The following SLC25A13 variants were observed in gnomAD, a reference collection of about 807,000 sequenced individuals.
SLC25A13 encodes solute carrier family 25 member 13, also known as electrogenic aspartate/glutamate antiporter SLC25A13, mitochondrial.
SLC25A13 carries 70 observed loss-of-function variants against 85.5 expected under a neutral mutation model. That is an observed-to-expected ratio of 0.82 (90% CI 0.68 to 1.00). The LOEUF is 1.00. SLC25A13 is among the 50% of genes least tolerant of loss of function. The probability of loss-of-function intolerance (pLI) is 0.00; values close to 1 mark genes in which losing one functional copy is unlikely to be tolerated. For missense variants in SLC25A13, 765 were observed against 819.8 expected, an observed-to-expected ratio of 0.93 and a Z score of 0.82; for synonymous variants, 259 against 288.7, an observed-to-expected ratio of 0.90 and a Z score of 1.04.
chr7:96,184,029 T>C (rs1215384780), intron 11 of SLC25A13, among the ~76,000 whole-genome samples: 3 of 152,198 alleles, frequency 2.0e-5, no homozygotes, highest in South Asian at 2.1e-4. Flanking sequence ...AAGATGCTTA[T>C]AAAAATAATT....
intron 2 of SLC25A13, among the ~76,000 whole-genome samples, chr7:96,281,965 T>C (rs2116953695): frequency 6.6e-6 from 1 of 152,234 alleles, no homozygotes; most frequent in Admixed American, 6.5e-5. Context: ...TAAATGCAGC[T>C]CTGCTCTCCC....
At chr7:96,222,433 C>A (rs575169495) in intron 4 of SLC25A13, among the ~76,000 whole-genome samples, 4 of 152,078 alleles carry the variant, frequency 2.6e-5, no homozygotes, top group South Asian at 2.1e-4. Flanking sequence ...CCAAACAGTT[C>A]TTTCTGTATT....
At chr7:96,160,862 T>C (rs1219419835) in intron 13 of SLC25A13, among the ~76,000 whole-genome samples, 1 of 152,200 alleles carries the variant, frequency 6.6e-6, no homozygotes, top group Non-Finnish European at 1.5e-5. Flanking sequence ...TGGAACTCTA[T>C]TCAAGACCAA....
chr7:96,138,381 T>A (rs1562787522), intron 14 of SLC25A13, among the ~76,000 whole-genome samples: 1 of 151,934 alleles, frequency 6.6e-6, no homozygotes, highest in Non-Finnish European at 1.5e-5. Context: ...TGCAATTTGT[T>A]GCATTTTTTT....
At chr7:96,234,386 C>T (rs1243392422) in intron 4 of SLC25A13, among the ~76,000 whole-genome samples, 1 of 152,184 alleles carries the variant, frequency 6.6e-6, no homozygotes, top group Non-Finnish European at 1.5e-5. Context: ...CCGCAAACTA[C>T]TCCATGGGAA....
At chr7:96,219,645 C>A (rs1369372397) in intron 4 of SLC25A13, 1 of 532,840 alleles carries the variant, frequency 1.9e-6, no homozygotes, top group Non-Finnish European at 3.9e-6. Context: ...TTCCCAAGCC[C>A]CACACCCAAA....
At chr7:96,265,796 A>T (rs946427576) in intron 3 of SLC25A13, among the ~76,000 whole-genome samples, 2 of 152,202 alleles carry the variant, frequency 1.3e-5, no homozygotes, top group South Asian at 4.1e-4. Context: ...AAGTAACAGA[A>T]TTTACTGCTC....
chr7:96,315,359 A>T (rs1221384255), intron 1 of SLC25A13, among the ~76,000 whole-genome samples: 1 of 152,218 alleles, frequency 6.6e-6, no homozygotes, highest in Non-Finnish European at 1.5e-5. Flanking sequence ...GCCACACCCA[A>T]GTCCAATTCA....
intron 3 of SLC25A13, among the ~76,000 whole-genome samples, chr7:96,275,830 T>TA (rs1405212392): frequency 1.6e-4 from 25 of 152,104 alleles, no homozygotes; most frequent in Admixed American, 1.6e-3. Context: ...GGCACATGTA[T>TA]ACATACGTAA....
intron 14 of SLC25A13, among the ~76,000 whole-genome samples, chr7:96,139,826 C>A (rs569150964): frequency 6.6e-6 from 1 of 152,108 alleles, no homozygotes; most frequent in Admixed American, 6.5e-5. Flanking sequence ...CTATAATATA[C>A]CATATTTTCT....
At chr7:96,160,464 C>A (rs985145781) in intron 13 of SLC25A13, among the ~76,000 whole-genome samples, 1 of 152,218 alleles carries the variant, frequency 6.6e-6, no homozygotes, top group Non-Finnish European at 1.5e-5. Context: ...AAATTCATTT[C>A]TCAGAGTTCT....
At chr7:96,155,619 T>C (rs1488738516) in intron 13 of SLC25A13, among the ~76,000 whole-genome samples, 1 of 152,164 alleles carries the variant, frequency 6.6e-6, no homozygotes, top group East Asian at 1.9e-4. Flanking sequence ...GGAGCAGTCA[T>C]CTTGAGACAC....
intron 5 of SLC25A13, among the ~76,000 whole-genome samples, chr7:96,198,051 C>G (rs1268809142): frequency 1.3e-5 from 2 of 152,188 alleles, no homozygotes; most frequent in East Asian, 3.9e-4. Flanking sequence ...GGCTGAGGAA[C>G]ACATGTCAAG....
chr7:96,229,690 C>T (rs1796461301), intron 4 of SLC25A13, among the ~76,000 whole-genome samples: 1 of 151,844 alleles, frequency 6.6e-6, no homozygotes, highest in South Asian at 2.1e-4. Flanking sequence ...GAGGAATGAA[C>T]AACTCCAGAA....
chr7:96,293,692 C>A (rs1345744816), intron 2 of SLC25A13, among the ~76,000 whole-genome samples: 2 of 152,186 alleles, frequency 1.3e-5, no homozygotes, highest in Non-Finnish European at 2.9e-5. Flanking sequence ...CTCATCATCA[C>A]TGGCCATCAG....
intron 9 of SLC25A13, among the ~76,000 whole-genome samples, chr7:96,186,076 G>A (rs920781646): frequency 6.6e-6 from 1 of 152,082 alleles, no homozygotes; most frequent in Non-Finnish European, 1.5e-5. Context: ...ATTAAAGCAA[G>A]CATAAATAGA....
chr7:96,163,358 T>G (rs141804381), intron 13 of SLC25A13, among the ~76,000 whole-genome samples: 1 of 152,264 alleles, frequency 6.6e-6, no homozygotes, highest in Non-Finnish European at 1.5e-5. Context: ...AGCTGTTCAG[T>G]TACAAGAGTG....
intron 4 of SLC25A13, among the ~76,000 whole-genome samples, chr7:96,232,367 A>G (rs1306555264): frequency 6.6e-6 from 1 of 152,202 alleles, no homozygotes; most frequent in African/African-American, 2.4e-5. Context: ...ATTCTCATGT[A>G]TATGTGGGAG....
intron 5 of SLC25A13, among the ~76,000 whole-genome samples, chr7:96,201,511 C>A (rs75634863): frequency 0.011 from 1,336 of 124,312 alleles, no homozygotes; most frequent in Middle Eastern, 0.016. Flanking sequence ...GACTCTGTCT[C>A]AAAAAAAAAA....
Sources: allele counts gnomAD v4.1 joint callset (sites outside exome capture counted in the v4.1 genomes callset), GRCh38; gene constraint gnomAD v4.1.1; transcripts MANE v1.5; gene names NCBI Gene and HGNC (gene_info 2026-07-23, HGNC 2026-07-21).